The following KLHL23 variants were observed in gnomAD, a reference collection of about 807,000 sequenced individuals.
KLHL23 encodes kelch-like protein 23.
Under a neutral mutation model 48.9 loss-of-function variants are expected in KLHL23, and 33 were observed. The ratio of observed to expected loss-of-function variants is 0.67; its 90% CI spans 0.51 to 0.90. KLHL23 has a LOEUF of 0.90. KLHL23 is among the 40% of genes least tolerant of loss of function. The probability of loss-of-function intolerance (pLI) is 0.00; values close to 1 mark genes in which losing one functional copy is unlikely to be tolerated. For missense variants in KLHL23, 608 were observed against 669.6 expected (o/e 0.91, Z 1.02); for synonymous variants, 234 against 231.6 (o/e 1.01, Z -0.09).
chr2:169,739,939 G>A (rs899860189), intron 2 of KLHL23, among the ~76,000 whole-genome samples: 20 of 152,110 alleles, frequency 1.3e-4, no homozygotes, highest in African/African-American at 4.6e-4. Context: ...AAGTCTTTGT[G>A]TATCTAAACA....
intron 2 of KLHL23, 78 bp downstream of exon 2, chr2:169,736,305 T>C (rs915118152): frequency 4.7e-6 from 7 of 1,504,988 alleles, no homozygotes; most frequent in Non-Finnish European, 6.2e-6. Context: ...CTTGAATTTA[T>C]CACTTTGGGA....
In KLHL23 at chr2:169,736,003, C is replaced by T. The variant is rs751896737; in HGVS notation, c.989C>T (p.Thr330Met). ...PNIYVTGGYR[T>M]DNIEALDTVW... Reference sequence around the variant, plus strand: ...ATTTATGTAACTGGGGGCTACAGGACGGATAACATAGAAGCTCTTGACACA... The same window carrying T: ...ATTTATGTAACTGGGGGCTACAGGATGGATAACATAGAAGCTCTTGACACA... The change falls in exon 2 of 4, where the codon ACG (threonine) becomes ATG (methionine). Residue 330 changes from threonine to methionine, a missense_variant. Thr to Met is a moderately conservative substitution (Grantham distance 81, BLOSUM62 -1). Transcript: ENST00000392647. The T allele has an allele frequency of 1.1e-5, 18 of 1,614,018 alleles. No individual in the cohort carries two copies. The highest frequency in any genetic ancestry group is 4.5e-5 in the East Asian group (2 of 44,896).
chr2:169,743,898 A>G (rs6726182), intron 3 of KLHL23, among the ~76,000 whole-genome samples: 78,061 of 152,130 alleles, frequency 0.51, 21,754 homozygotes, highest in Admixed American at 0.66. Context: ...TTTTAGCAGT[A>G]CCTCCTGAGG....
intron 3 of KLHL23, among the ~76,000 whole-genome samples, chr2:169,744,943 G>GTTT (rs34081026): frequency 7.0e-6 from 1 of 142,522 alleles, no homozygotes. Flanking sequence ...TTTGTTTTTT[G>GTTT]TTTTTTTTTT....
At chr2:169,741,643 C>A in intron 3 of KLHL23, 106 bp downstream of exon 3, 1 of 1,342,430 alleles carries the variant, frequency 7.4e-7, no homozygotes, top group Non-Finnish European at 1.0e-6. Flanking sequence ...TTATTGTAGA[C>A]TACACATGGG....
At chr2:169,748,629 C>T (rs557751678) in intron 3 of KLHL23, among the ~76,000 whole-genome samples, 4 of 150,270 alleles carry the variant, frequency 2.7e-5, no homozygotes, top group South Asian at 2.1e-4. Context: ...CTAAGCACTT[C>T]GCTAGCCTCA....
rs201740427 is a variant in KLHL23 at position 169,749,403 on chromosome 2, C to G, written c.1367-19C>G. The G allele has an allele frequency of 7.1e-6, 11 of 1,554,736 alleles. No individual in the cohort carries two copies. The highest frequency in any genetic ancestry group is 9.6e-6 in the Non-Finnish European group (11 of 1,151,550). On this transcript the variant is annotated intron_variant, in intron 3 of 3. Transcript: ENST00000392647. The stretch of plus-strand genomic sequence containing the variant: ...TTATCCTTTAAAAAAATGCTGTTTT[C>G]TTTTTTTCTTTTTAAAAGAATATGG...
At position 169,736,132 on chromosome 2, in the gene KLHL23, C is replaced by G. The variant is rs755656261; in HGVS notation, c.1118C>G (p.Ala373Gly). 6.2e-7 allele frequency: 1 copy of G among 1,613,994 alleles called. No individual in the cohort carries two copies. Among genetic ancestry groups the G allele is most frequent in the South Asian group, 1.1e-5 (1 of 91,088 alleles). The change falls in exon 2 of 4, where the codon GCT becomes GGT. Residue 373 changes from alanine to glycine, a missense_variant. Physicochemically the swap from Ala to Gly is moderately conservative, Grantham distance 60. Transcript: ENST00000392647. ...GTCACCTTGGGTGGCTGTGTCTATG[C>G]TTTAGGTGGTTACAGAAAAGGGGCT... ...CAVTLGGCVYALGGYRKGAPA... is the reference protein window; with the variant it reads ...CAVTLGGCVYGLGGYRKGAPA...
Position 169,749,902 on chromosome 2 carries a change from C to G in KLHL23, c.*170C>G, listed in dbSNP as rs1214403972. On this transcript the variant is annotated 3_prime_UTR_variant, in exon 4 of 4. Transcript: ENST00000392647. ...ACTCCCAAACATGGTGATTCATGGT[C>G]AAGAAAAATCTTATATATATATATA... 9.5e-6 allele frequency: 4 copies of G among 423,264 alleles called. No individual in the cohort carries two copies. Among genetic ancestry groups the G allele is most frequent in the Non-Finnish European group, 7.7e-6 (2 of 259,944 alleles). 26.2% of individuals were successfully genotyped at this position (423,264 alleles called of 1,614,324 possible). A position where few individuals can be genotyped will look rare whatever the true frequency, so the allele number is the denominator to read the frequency against.
chr2:169,740,069 G>A (rs914272980), intron 2 of KLHL23, among the ~76,000 whole-genome samples: 1 of 152,144 alleles, frequency 6.6e-6, no homozygotes, highest in African/African-American at 2.4e-5. Context: ...GTGAGTAAGT[G>A]GGGAGGGATT....
intron 3 of KLHL23, among the ~76,000 whole-genome samples, chr2:169,741,920 A>G (rs1354761952): frequency 6.6e-6 from 1 of 152,242 alleles, no homozygotes; most frequent in Non-Finnish European, 1.5e-5. Flanking sequence ...GTACCCAGTG[A>G]TTGAAGTTCA....
intron 2 of KLHL23, among the ~76,000 whole-genome samples, chr2:169,737,619 CT>C (rs1553476626): frequency 0.013 from 1,795 of 142,486 alleles, 43 homozygotes; most frequent in African/African-American, 0.041. Flanking sequence ...TTTTCTTTTT[CT>C]TTTTTTTTTT....
chr2:169,749,880 C>G lies in KLHL23; in HGVS notation c.*148C>G. 1 of 790,442 alleles carries G rather than the reference C, an allele frequency of 1.3e-6. No homozygotes were observed. Among genetic ancestry groups the G allele is most frequent in the Non-Finnish European group, 1.8e-6 (1 of 548,184 alleles). The allele number at this position is 790,442 out of a possible 1,614,324, so 49.0% of individuals were successfully genotyped here. A position where few individuals can be genotyped will look rare whatever the true frequency, so the allele number is the denominator to read the frequency against. ...TTGTAATTCCTAACCCTACTGTACT[C>G]CCAAACATGGTGATTCATGGTCAAG... On this transcript the variant is annotated 3_prime_UTR_variant, in exon 4 of 4. Coordinates refer to ENST00000392647, the MANE Select transcript of KLHL23 (RefSeq NM_144711.6).
chr2:169,748,464 A>G (rs1030365714), intron 3 of KLHL23, among the ~76,000 whole-genome samples: 3 of 152,190 alleles, frequency 2.0e-5, no homozygotes, highest in African/African-American at 4.8e-5. Flanking sequence ...ATTCCCAGAG[A>G]GTGAACTGAC....
intron 3 of KLHL23, among the ~76,000 whole-genome samples, chr2:169,748,888 G>A (rs1161455772): frequency 2.0e-5 from 3 of 151,360 alleles, no homozygotes; most frequent in African/African-American, 4.9e-5. Context: ...CATGCCCCAC[G>A]AGTCTGGGTA....
chr2:169,741,493 C>T lies in KLHL23; in HGVS notation c.1322C>T (p.Ser441Phe). 1 of 1,613,918 alleles carries T rather than the reference C, an allele frequency of 6.2e-7. No individual in the cohort carries two copies. Among genetic ancestry groups the T allele is most frequent in the South Asian group, 1.1e-5 (1 of 91,066 alleles). ...TATGACAAAGTTCAGAGCTACAATT[C>T]CGATATCAACGAATGGAGCCTCATC... The part of the protein sequence containing the change: ...CTYDKVQSYN[S>F]DINEWSLITS... Residue 441 changes from serine to phenylalanine, a missense_variant, in exon 3 of 4, where the codon TCC becomes TTC. Physicochemically the swap from Ser to Phe is radical, Grantham distance 155. Transcript: ENST00000392647.
rs1334816739 is a variant in KLHL23, at chr2:169,736,076, A to G, written c.1062A>G (p.Pro354=). ...GTGATGAATGGACAGAAGGTTTGCCAATGCTCAATGCCAGGTATTACCACT... is the reference window on the plus strand; with the variant it reads ...GTGATGAATGGACAGAAGGTTTGCCGATGCTCAATGCCAGGTATTACCACT... ...SESDEWTEGL[P]MLNARYYHCA... is the part of the protein sequence containing the mutation. The change falls in exon 2 of 4, where the codon CCA becomes CCG. Residue 354 remains proline, a synonymous_variant. Transcript: ENST00000392647. The G allele has an allele frequency of 6.2e-7, 1 of 1,614,194 alleles. No homozygotes were observed. Among genetic ancestry groups the G allele is most frequent in the South Asian group, 1.1e-5 (1 of 91,086 alleles).
chr2:169,745,288 G>A (rs1299354064), intron 3 of KLHL23, among the ~76,000 whole-genome samples: 4 of 151,786 alleles, frequency 2.6e-5, no homozygotes, highest in Non-Finnish European at 5.9e-5. Flanking sequence ...CAAGGTGGGC[G>A]GATCATGAGG....
intron 3 of KLHL23, among the ~76,000 whole-genome samples, chr2:169,748,787 A>G (rs1480958779): frequency 2.6e-5 from 2 of 76,082 alleles, no homozygotes; most frequent in South Asian, 5.7e-4. Flanking sequence ...CCCCCCCCCC[A>G]TATACATACT....
Sources: gnomAD v4.1 joint callset for allele counts (sites outside exome capture counted in the v4.1 genomes callset) on GRCh38, gnomAD v4.1.1 for gene constraint, MANE v1.5 for transcripts, NCBI Gene and HGNC (gene_info 2026-07-23, HGNC 2026-07-21) for gene names.